The following RBCK1 variants were observed in gnomAD, a reference collection of about 807,000 sequenced individuals.
RBCK1 encodes the protein ranBP-type and C3HC4-type zinc finger-containing protein 1.
RBCK1 carries 44 observed loss-of-function variants against 71.1 expected under a neutral mutation model. That is an observed-to-expected ratio of 0.62 (90% CI 0.49 to 0.80). RBCK1 has a LOEUF of 0.80. Ranked by LOEUF, RBCK1 falls within the 30% of genes least tolerant of loss-of-function variation. RBCK1 has a pLI of 0.00. For synonymous variants in RBCK1, 306 were observed against 279.7 expected, an observed-to-expected ratio of 1.09 and a Z score of -0.94; for missense variants, 569 against 685.0, an observed-to-expected ratio of 0.83 and a Z score of 1.89.
In RBCK1 at chr20:427,509, C is replaced by T. The variant is rs2016795068; in HGVS notation, c.1209+17C>T. ...CTCTGCAAGGTGGGGCCTGCAGGGA[C>T]TCCCCCCACCTAGTCACTGTCATCT... On this transcript the variant is annotated intron_variant, in intron 9 of 11. Coordinates refer to ENST00000356286, the MANE Select transcript of RBCK1 (RefSeq NM_031229.4). 4.3e-6 allele frequency: 7 copies of T among 1,610,978 alleles called. No homozygotes were observed. The highest frequency in any genetic ancestry group is 1.3e-5 in the African/African-American group (1 of 74,860).
chr20:408,850 C>T (rs1446272129), intron 1 of RBCK1, 71 bp downstream of exon 1: 1 of 1,557,616 alleles, frequency 6.4e-7, no homozygotes, highest in African/African-American at 1.4e-5. Flanking sequence ...GGCCTTGCCC[C>T]TGGCCAGAAG....
chr20:408,446 TGGTGTCCG>T lies in RBCK1; in HGVS notation c.-309_-302del, dbSNP rs2015498106. The T allele has an allele frequency of 2.0e-6, 1 of 500,182 alleles. No individual in the cohort carries two copies. The highest frequency in any genetic ancestry group is 3.5e-6 in the Non-Finnish European group (1 of 282,044). The allele number at this position is 500,182 out of a possible 1,614,324, so 31.0% of individuals were successfully genotyped here. ...CGGGACTTGGAACGCCCCGGCTGGGTGGTGTCCGGGCGTCCTTTCCCCGCTTCTTCCCA... is the reference window on the plus strand; with the variant it reads ...CGGGACTTGGAACGCCCCGGCTGGGTGGCGTCCTTTCCCCGCTTCTTCCCA... On this transcript the variant is annotated 5_prime_UTR_variant, in exon 1 of 12. Transcript: ENST00000356286.
rs538669306 is a variant in RBCK1 at position 426,013 on chromosome 20, G to A, written c.1030-1300G>A. Among the ~76,000 whole-genome samples the A allele has an allele frequency of 3.3e-5, 5 of 152,280 alleles. 1 individual carries two copies. Among genetic ancestry groups the A allele is most frequent in the Admixed American group, 2.6e-4 (4 of 15,300 alleles). On this transcript the variant is annotated intron_variant, in intron 8 of 11. Coordinates refer to ENST00000356286, the MANE Select transcript of RBCK1 (RefSeq NM_031229.4). ...CAGAAAAGTTTGGGATGGTTGAAACGTTATTGCCACATTGCTTTCTCAGTG... is the reference window on the plus strand; with the variant it reads ...CAGAAAAGTTTGGGATGGTTGAAACATTATTGCCACATTGCTTTCTCAGTG...
intron 2 of RBCK1, among the ~76,000 whole-genome samples, chr20:415,701 A>G (rs1391103577): frequency 1.3e-5 from 2 of 152,160 alleles, no homozygotes; most frequent in African/African-American, 4.8e-5. Flanking sequence ...TAGCATTGCT[A>G]CAAAGAAATA....
chr20:409,799 A>T (rs954450487), intron 1 of RBCK1, 82 bp from the exon 2 acceptor site: 63 of 1,540,628 alleles, frequency 4.1e-5, no homozygotes, highest in Non-Finnish European at 4.5e-5. Flanking sequence ...CACACAAAGG[A>T]TCGCCTCCTT....
chr20:422,993 A>G lies in RBCK1; in HGVS notation c.1029+755A>G, dbSNP rs750180114. Among the ~76,000 whole-genome samples, 84 of 152,276 alleles carry G rather than the reference A, an allele frequency of 5.5e-4. No homozygotes were observed. Among genetic ancestry groups the G allele is most frequent in the Non-Finnish European group, 8.4e-4 (57 of 68,026 alleles). On this transcript the variant is annotated intron_variant, in intron 8 of 11. Coordinates refer to ENST00000356286, the MANE Select transcript of RBCK1 (RefSeq NM_031229.4). The surrounding 1 kb of genome is among the most constrained non-coding windows in gnomAD (Gnocchi z 5.0). ...GATTGCAAAGATTACAGTAGAGGAT[A>G]TGTGTATAGAATTCATAGTAGTACA...
intron 8 of RBCK1, among the ~76,000 whole-genome samples, chr20:426,816 C>CTTTTTTT (rs768525416): frequency 3.1e-5 from 3 of 95,506 alleles, no homozygotes; most frequent in Admixed American, 1.0e-4. Context: ...TTTTCTTTTC[C>CTTTTTTT]TTTTTTTTTT....
intron 6 of RBCK1, 78 bp downstream of exon 6, chr20:419,809 A>G (rs1162236065): frequency 1.4e-6 from 2 of 1,475,264 alleles, no homozygotes; most frequent in African/African-American, 1.4e-5. Context: ...ACACCTGCGC[A>G]CTGCCGCGCC....
intron 8 of RBCK1, 48 bp from the exon 9 acceptor site, chr20:427,265 T>C (rs767798541): frequency 1.0e-5 from 16 of 1,591,340 alleles, no homozygotes; most frequent in African/African-American, 1.3e-5. Flanking sequence ...AAGGGTCATA[T>C]GTCAGGTGTT....
At chr20:423,989 ACTTT>A (rs1277594430) in intron 8 of RBCK1, among the ~76,000 whole-genome samples, 4 of 152,286 alleles carry the variant, frequency 2.6e-5, no homozygotes, top group African/African-American at 9.6e-5. Context: ...GTGCATGTGT[ACTTT>A]CTAAGTCTGC....
chr20:422,029 A>T lies in RBCK1; in HGVS notation c.918-98A>T. ...AGGAGAAGTCCACCTGGGGTGACTG[A>T]GTGAGGCCCCTGGGGTCAGGCCTTG... is the stretch of plus-strand genomic sequence containing the variant. On this transcript the variant is annotated intron_variant, in intron 7 of 11. Coordinates refer to ENST00000356286, the MANE Select transcript of RBCK1 (RefSeq NM_031229.4). The surrounding 1 kb of genome is among the most constrained non-coding windows in gnomAD (Gnocchi z 5.0). 1.2e-6 allele frequency: 1 copy of T among 867,626 alleles called. No individual in the cohort carries two copies. The highest frequency in any genetic ancestry group is 1.8e-6 in the Non-Finnish European group (1 of 545,826). 53.7% of individuals were successfully genotyped at this position (867,626 alleles called of 1,614,324 possible).
rs967629015 is a variant in RBCK1, at chr20:417,309, A to C, written c.168-217A>C. On this transcript the variant is annotated intron_variant, in intron 2 of 11. Transcript: ENST00000356286. The surrounding 1 kb of genome is among the most constrained non-coding windows in gnomAD (Gnocchi z 4.7). The stretch of plus-strand genomic sequence containing the variant: ...CGTGTGCTGCCACGAGTTGATTCTA[A>C]GAGTAGCGTGGAGCCATTGGAGGGG... 16 of 716,334 alleles carry C rather than the reference A, an allele frequency of 2.2e-5. No individual in the cohort carries two copies. Among genetic ancestry groups the C allele is most frequent in the African/African-American group, 2.1e-4 (12 of 57,830 alleles). 44.4% of individuals were successfully genotyped at this position (716,334 alleles called of 1,614,324 possible).
chr20:421,307 G>A lies in RBCK1; in HGVS notation c.917+276G>A, dbSNP rs112001097. On this transcript the variant is annotated intron_variant, in intron 7 of 11. Transcript: ENST00000356286. ...TTCCCCTCTACCTTTCGCCGCCCGG[G>A]CTCCTGCAGCCACGCTGCTCTCAGC... Among the ~76,000 whole-genome samples the A allele has an allele frequency of 2.6e-3, 399 of 152,292 alleles. 2 individuals carry two copies. Among genetic ancestry groups the A allele is most frequent in the African/African-American group, 5.5e-3 (229 of 41,568 alleles).
At chr20:425,103 C>T (rs529296730) in intron 8 of RBCK1, among the ~76,000 whole-genome samples, 20 of 152,228 alleles carry the variant, frequency 1.3e-4, no homozygotes, top group Middle Eastern at 3.4e-3. Context: ...CTCCGCCTCC[C>T]GGGTTCACGC....
In RBCK1 at chr20:427,351, G is replaced by T. The variant is rs1244813118; in HGVS notation, c.1068G>T (p.Leu356=). Residue 356 remains leucine, a synonymous_variant, in exon 9 of 12, where the codon CTG becomes CTT. Transcript: ENST00000356286. The part of the protein sequence containing the change: ...TPEDYQRFLD[L]GISIAENRSA... ...AGGATTACCAGCGATTTCTAGACCTGGGCATCTCCATTGCTGAAAACCGCA... is the reference window on the plus strand; with the variant it reads ...AGGATTACCAGCGATTTCTAGACCTTGGCATCTCCATTGCTGAAAACCGCA... 2 of 1,613,994 alleles carry T rather than the reference G, an allele frequency of 1.2e-6. No individual in the cohort carries two copies. Among genetic ancestry groups the T allele is most frequent in the Non-Finnish European group, 1.7e-6 (2 of 1,180,018 alleles).
chr20:417,377 C>T lies in RBCK1; in HGVS notation c.168-149C>T. On this transcript the variant is annotated intron_variant, in intron 2 of 11. Transcript: ENST00000356286. The surrounding 1 kb of genome is among the most constrained non-coding windows in gnomAD (Gnocchi z 4.7). The stretch of plus-strand genomic sequence containing the variant: ...AATAAAGGAAGAAGCATGGGTGGGG[C>T]CTACCCCAGACTGGGGTTTGTGTGT... 3 of 786,014 alleles carry T rather than the reference C, an allele frequency of 3.8e-6. No homozygotes were observed. Among genetic ancestry groups the T allele is most frequent in the Non-Finnish European group, 6.8e-6 (3 of 440,474 alleles). The allele number at this position is 786,014 out of a possible 1,614,324, so 48.7% of individuals were successfully genotyped here. A position where few individuals can be genotyped will look rare whatever the true frequency, so the allele number is the denominator to read the frequency against.
rs752211933 is a variant in RBCK1, at chr20:422,163, G to T, written c.954G>T (p.Glu318Asp). 4 of 1,612,910 alleles carry T rather than the reference G, an allele frequency of 2.5e-6. No homozygotes were observed. The African/African-American group carries it at 5.3e-5, about 22-fold the overall frequency. ...CLQGTIRNSQ[E>D]AEVSCPFIDN... ...AGGGCACCATCCGCAACAGCCAGGAGGCGGAGGTCTCCTGCCCCTTCATTG... is the reference window on the plus strand; with the variant it reads ...AGGGCACCATCCGCAACAGCCAGGATGCGGAGGTCTCCTGCCCCTTCATTG... Residue 318 changes from glutamate to aspartate, a missense_variant, in exon 8 of 12, where the codon GAG becomes GAT. Around this residue, in one of 2 missense-constraint regions of RBCK1, gnomAD observed 211 missense variants for 309.4 expected, o/e 0.68. Transcript: ENST00000356286. This position sits in a 1 kb window ranked among gnomAD's most constrained non-coding sequence, Gnocchi z 5.0.
chr20:419,379 CG>C lies in RBCK1; in HGVS notation c.497del (p.Gly166AlafsTer110). ...LGFKDLTLQP[R>X]GPLEPGPPKP... ...CTTCAAGGACCTCACGCTGCAGCCG[CG>C]GGGCCCTCTGGAGCCAGGCCCCCCA... On this transcript the variant is annotated frameshift_variant, in exon 5 of 12. Coordinates refer to ENST00000356286, the MANE Select transcript of RBCK1 (RefSeq NM_031229.4). LOFTEE classifies it high-confidence loss of function. 1 of 1,612,474 alleles carries C rather than the reference CG, an allele frequency of 6.2e-7. No homozygotes were observed.
chr20:409,460 A>G (rs1600270194), intron 1 of RBCK1, among the ~76,000 whole-genome samples: 1 of 146,556 alleles, frequency 6.8e-6, no homozygotes, highest in Admixed American at 6.8e-5. Context: ...AAGGATCGCA[A>G]TCTGACTTTT....
Sources: allele counts gnomAD v4.1 joint callset (sites outside exome capture counted in the v4.1 genomes callset), GRCh38; gene constraint gnomAD v4.1.1; regional missense constraint gnomAD v4.1.1; non-coding constraint Gnocchi (gnomAD v3.1); transcripts MANE v1.5; gene names NCBI Gene and HGNC (gene_info 2026-07-23, HGNC 2026-07-21).